Variants in HS6ST3 observed in about 807,000 individuals in gnomAD.
HS6ST3 encodes heparan-sulfate 6-O-sulfotransferase 3.
HS6ST3 carries 12 observed loss-of-function variants against 36.7 expected under a neutral mutation model. That is an observed-to-expected ratio of 0.33 (90% CI 0.21 to 0.53). HS6ST3 has a LOEUF of 0.53. Among genes scored for constraint, HS6ST3 ranks in the 20% least tolerant of loss-of-function variants. The pLI, the probability that HS6ST3 is intolerant of heterozygous loss-of-function variation, is 0.95. For synonymous variants in HS6ST3, 240 were observed against 257.5 expected, an observed-to-expected ratio of 0.93 and a Z score of 0.65; for missense variants, 584 against 640.9, an observed-to-expected ratio of 0.91 and a Z score of 0.96.
At chr13:96,453,431 TC>T (rs1252307230) in intron 1 of HS6ST3, among the ~76,000 whole-genome samples, 1 of 152,156 alleles carries the variant, frequency 6.6e-6, no homozygotes, top group African/African-American at 2.4e-5. Flanking sequence ...GAAGATACTA[TC>T]TTTATCTTCT....
intron 1 of HS6ST3, among the ~76,000 whole-genome samples, chr13:96,318,851 G>A (rs558652055): frequency 3.4e-4 from 51 of 152,142 alleles, no homozygotes; most frequent in African/African-American, 1.2e-3. Context: ...TCACCTATTA[G>A]GTCCAAGTTC....
chr13:96,501,767 A>T (rs2056005384), intron 1 of HS6ST3, among the ~76,000 whole-genome samples: 1 of 152,258 alleles, frequency 6.6e-6, no homozygotes. Context: ...TGAATGTAGG[A>T]ACTGGAAGTC....
intron 1 of HS6ST3, among the ~76,000 whole-genome samples, chr13:96,480,811 G>A (rs932847428): frequency 6.6e-6 from 1 of 152,178 alleles, no homozygotes; most frequent in Non-Finnish European, 1.5e-5. Context: ...CACAGTCTTT[G>A]TGTGGACTAT....
chr13:96,767,867 C>A (rs185461215), intron 1 of HS6ST3, among the ~76,000 whole-genome samples: 114 of 152,294 alleles, frequency 7.5e-4, no homozygotes, highest in African/African-American at 2.6e-3. Context: ...GGTGTCGAGA[C>A]AACTCTGTCA....
At chr13:96,129,243 T>C (rs548493744) in intron 1 of HS6ST3, among the ~76,000 whole-genome samples, 2 of 152,334 alleles carry the variant, frequency 1.3e-5, no homozygotes, top group African/African-American at 4.8e-5. Flanking sequence ...AAAATGTTGG[T>C]GGTGATATAG....
At chr13:96,610,810 G>A (rs2056454557) in intron 1 of HS6ST3, among the ~76,000 whole-genome samples, 1 of 150,394 alleles carries the variant, frequency 6.6e-6, no homozygotes, top group East Asian at 1.9e-4. Flanking sequence ...CTTTGCTTTA[G>A]AGCCCATTCC....
intron 1 of HS6ST3, among the ~76,000 whole-genome samples, chr13:96,304,446 C>T (rs1186895805): frequency 6.6e-6 from 1 of 152,006 alleles, no homozygotes; most frequent in African/African-American, 2.4e-5. Flanking sequence ...ATTTATTATA[C>T]ATTAGTGCCA....
At chr13:96,221,305 T>G (rs1319859710) in intron 1 of HS6ST3, among the ~76,000 whole-genome samples, 1 of 152,152 alleles carries the variant, frequency 6.6e-6, no homozygotes, top group East Asian at 1.9e-4. Flanking sequence ...AAAGTAGCAG[T>G]GATGCTGGGA....
intron 1 of HS6ST3, among the ~76,000 whole-genome samples, chr13:96,599,522 CT>C (rs564402131): frequency 6.6e-5 from 10 of 150,766 alleles, no homozygotes; most frequent in South Asian, 2.1e-4. Flanking sequence ...AGTCTTCTCT[CT>C]TTTTTTTTCT....
In HS6ST3 at chr13:96,739,250, T is replaced by A. The variant is rs546053153; in HGVS notation, c.708-93240T>A. On this transcript the variant is annotated intron_variant, in intron 1 of 1. Transcript: ENST00000376705. ...GTGTGTGTGTGTGTGTGTGTGTGTGTGTGTGTGTGTGTGTGTGTGTGTGTG... is the reference window on the plus strand; with the variant it reads ...GTGTGTGTGTGTGTGTGTGTGTGTGAGTGTGTGTGTGTGTGTGTGTGTGTG... 5.0e-3 allele frequency among the ~76,000 whole-genome samples: 762 copies of A among 151,090 alleles called. 9 individuals are homozygous for A. The highest frequency in any genetic ancestry group is 0.018 in the African/African-American group (738 of 41,178).
intron 1 of HS6ST3, among the ~76,000 whole-genome samples, chr13:96,431,818 A>G (rs913709603): frequency 4.6e-5 from 7 of 152,182 alleles, no homozygotes; most frequent in African/African-American, 1.2e-4. Flanking sequence ...TTGTAGGGCA[A>G]CTTAGTTCCT....
At chr13:96,810,805 G>A (rs1338335993) in intron 1 of HS6ST3, among the ~76,000 whole-genome samples, 1 of 152,164 alleles carries the variant, frequency 6.6e-6, no homozygotes, top group African/African-American at 2.4e-5. Context: ...TTTGCAGAAT[G>A]GCAGGCTATC....
intron 1 of HS6ST3, among the ~76,000 whole-genome samples, chr13:96,167,400 G>A (rs1237502440): frequency 6.6e-6 from 1 of 152,160 alleles, no homozygotes; most frequent in Non-Finnish European, 1.5e-5. Flanking sequence ...TGTTTGTTCA[G>A]GAGGAAGGAC....
chr13:96,614,297 CAAAAAAA>C (rs67979751), intron 1 of HS6ST3, among the ~76,000 whole-genome samples: 1 of 43,972 alleles, frequency 2.3e-5, no homozygotes, highest in Non-Finnish European at 3.8e-5. Flanking sequence ...GGATCCATCT[CAAAAAAA>C]AAAAAAAAAA....
intron 1 of HS6ST3, among the ~76,000 whole-genome samples, chr13:96,782,613 G>A (rs1877552729): frequency 6.6e-6 from 1 of 152,032 alleles, no homozygotes; most frequent in Admixed American, 6.6e-5. Context: ...CATTTATTTT[G>A]CCCTTAAGTT....
At chr13:96,241,375 C>T (rs1450242790) in intron 1 of HS6ST3, among the ~76,000 whole-genome samples, 2 of 151,996 alleles carry the variant, frequency 1.3e-5, no homozygotes, top group African/African-American at 2.4e-5. Context: ...TCATGTAGAA[C>T]ATTGCCTCAT....
intron 1 of HS6ST3, among the ~76,000 whole-genome samples, chr13:96,829,172 A>G (rs939586467): frequency 2.0e-5 from 3 of 152,030 alleles, no homozygotes; most frequent in African/African-American, 7.2e-5. Context: ...ACCAAAGCCA[A>G]TTTTCAGAGT....
chr13:96,166,452 A>C (rs2054160580), intron 1 of HS6ST3, among the ~76,000 whole-genome samples: 1 of 152,094 alleles, frequency 6.6e-6, no homozygotes, highest in African/African-American at 2.4e-5. Flanking sequence ...GGATGAGTGG[A>C]TGAGTGTGGC....
At chr13:96,770,830 T>C (rs990927926) in intron 1 of HS6ST3, among the ~76,000 whole-genome samples, 20 of 152,196 alleles carry the variant, frequency 1.3e-4, no homozygotes, top group African/African-American at 4.6e-4. Context: ...TTTAATGAGG[T>C]TGCACATGCA....
Sources: gnomAD v4.1 joint callset for allele counts (sites outside exome capture counted in the v4.1 genomes callset) on GRCh38, gnomAD v4.1.1 for gene constraint, MANE v1.5 for transcripts, NCBI Gene and HGNC (gene_info 2026-07-23, HGNC 2026-07-21) for gene names.